The following FOXN3 variants were observed in gnomAD, a reference collection of about 807,000 sequenced individuals.
FOXN3 encodes the protein forkhead box N3, also known as forkhead box protein N3.
A neutral mutation model predicts 38.4 loss-of-function variants in FOXN3; 7 were observed. The observed-to-expected ratio is 0.18, with a 90% CI of 0.10 to 0.34. The LOEUF is 0.34. FOXN3 is among the 10% of genes least tolerant of loss of function. The pLI, the probability that FOXN3 is intolerant of heterozygous loss-of-function variation, is 1.00. For synonymous variants in FOXN3, 230 were observed against 242.2 expected (o/e 0.95, Z 0.47); for missense variants, 456 against 613.4 (o/e 0.74, Z 2.71).
chr14:89,348,684 G>C (rs183833404), intron 3 of FOXN3, among the ~76,000 whole-genome samples: 48 of 152,208 alleles, frequency 3.2e-4, no homozygotes, highest in Non-Finnish European at 5.7e-4. Context: ...AGTCAACTGG[G>C]GATAAAGGCT....
chr14:89,292,648 A>G lies in FOXN3; in HGVS notation c.681-11634T>C, dbSNP rs914498122. On this transcript the variant is annotated intron_variant, in intron 3 of 5. Coordinates refer to ENST00000557258, the MANE Select transcript of FOXN3 (RefSeq NM_005197.4). ...AGTGCTCCTCTCCTCTGGAGGGTAC[A>G]GCGTTCAAGGCCCCATTTTGCAAGC... Among the ~76,000 whole-genome samples, 93 of 152,192 alleles carry G rather than the reference A, an allele frequency of 6.1e-4. 1 individual carries two copies. The highest frequency in any genetic ancestry group is 2.1e-3 in the African/African-American group (89 of 41,452).
In FOXN3 at chr14:89,599,675, G is replaced by C. The variant is rs369220100; in HGVS notation, c.-15+19353C>G. ...GTGATAACCTGAGTTTCTGGGAAAA[G>C]CATCTTCCTCCAAAGAGAATTTTTA... On this transcript the variant is annotated intron_variant, in intron 1 of 6. Transcript: ENST00000345097. Among the ~76,000 whole-genome samples the C allele has an allele frequency of 1.1e-3, 160 of 152,192 alleles. 1 individual carries two copies. The South Asian group carries it at 0.033, about 31-fold the overall frequency.
intron 1 of FOXN3, among the ~76,000 whole-genome samples, chr14:89,563,529 C>T (rs901810347): frequency 2.0e-5 from 3 of 152,158 alleles, no homozygotes; most frequent in Non-Finnish European, 2.9e-5. Flanking sequence ...TAGACCTTCA[C>T]TCAGGAGGAG....
chr14:89,256,220 T>TA (rs1885615462), intron 4 of FOXN3, among the ~76,000 whole-genome samples: 2 of 152,168 alleles, frequency 1.3e-5, no homozygotes, highest in Non-Finnish European at 1.5e-5. Context: ...ATAACTGGCA[T>TA]AAAAAAGGCT....
At chr14:89,547,908 T>C (rs1488994815) in intron 1 of FOXN3, among the ~76,000 whole-genome samples, 1 of 152,178 alleles carries the variant, frequency 6.6e-6, no homozygotes, top group Non-Finnish European at 1.5e-5. Flanking sequence ...GAGATTTTGC[T>C]TCACAGAAAC....
intron 4 of FOXN3, among the ~76,000 whole-genome samples, chr14:89,238,104 A>C (rs10130223): frequency 0.06 from 9,161 of 152,242 alleles, 931 homozygotes; most frequent in African/African-American, 0.21. Context: ...AAAGGAGGAA[A>C]CTTTAGTCTT....
chr14:89,230,795 C>G (rs578227027), intron 4 of FOXN3: 2 of 442,654 alleles, frequency 4.5e-6, no homozygotes, highest in East Asian at 1.4e-4. Context: ...GAGGTCACAT[C>G]TGCTTTAAAT....
At chr14:89,393,305 C>A (rs980846852) in intron 2 of FOXN3, among the ~76,000 whole-genome samples, 2 of 152,180 alleles carry the variant, frequency 1.3e-5, no homozygotes, top group African/African-American at 4.8e-5. Context: ...TCCAGTGTGA[C>A]CTCATTTTAA....
At position 89,367,528 on chromosome 14, in the gene FOXN3, G is replaced by A. The variant is rs142343408; in HGVS notation, c.544-16720C>T. On this transcript the variant is annotated intron_variant, in intron 2 of 5. Transcript: ENST00000557258. ...CACCCGGGAACCAGAGGATATGCCC[G>A]AGGTTGCCAGGGAGAGGACAGGGGT... Among the ~76,000 whole-genome samples, 161 of 152,286 alleles carry A rather than the reference G, an allele frequency of 1.1e-3. 1 individual carries two copies. The highest frequency in any genetic ancestry group is 3.6e-3 in the African/African-American group (148 of 41,564).
chr14:89,271,633 T>C (rs1184267625), intron 4 of FOXN3, among the ~76,000 whole-genome samples: 2 of 152,210 alleles, frequency 1.3e-5, no homozygotes, highest in Non-Finnish European at 2.9e-5. Flanking sequence ...GTGTTAATCT[T>C]TGAATGACTA....
intron 4 of FOXN3, among the ~76,000 whole-genome samples, chr14:89,239,653 G>A (rs75433048): frequency 2.0e-5 from 3 of 152,172 alleles, no homozygotes; most frequent in South Asian, 2.1e-4. Flanking sequence ...CATGGTTGCC[G>A]CATTAACCAA....
intron 1 of FOXN3, among the ~76,000 whole-genome samples, chr14:89,444,810 C>A (rs1377234167): frequency 6.6e-6 from 1 of 152,076 alleles, no homozygotes; most frequent in Non-Finnish European, 1.5e-5. Context: ...GGAGGCAGTT[C>A]AGAGCAGAGA....
chr14:89,297,009 T>C (rs1341268120), intron 3 of FOXN3, among the ~76,000 whole-genome samples: 1 of 152,218 alleles, frequency 6.6e-6, no homozygotes. Context: ...TGTGCTAGTG[T>C]GGATCAATCT....
At chr14:89,414,481 T>A (rs1049022697) in intron 1 of FOXN3, among the ~76,000 whole-genome samples, 4 of 151,488 alleles carry the variant, frequency 2.6e-5, no homozygotes, top group African/African-American at 9.7e-5. Context: ...TATAGTACCT[T>A]CCCTCTTCCA....
intron 1 of FOXN3, among the ~76,000 whole-genome samples, chr14:89,451,678 C>T (rs1892615409): frequency 6.6e-6 from 1 of 152,168 alleles, no homozygotes; most frequent in South Asian, 2.1e-4. Flanking sequence ...ATCTTCATCA[C>T]CCCTGCCTGC....
intron 1 of FOXN3, among the ~76,000 whole-genome samples, chr14:89,471,427 C>G (rs951086421): frequency 6.6e-6 from 1 of 151,996 alleles, no homozygotes; most frequent in African/African-American, 2.4e-5. Context: ...CATAACAAGA[C>G]CTGTTATGTC....
At chr14:89,382,030 C>G (rs1278547012) in intron 2 of FOXN3, among the ~76,000 whole-genome samples, 1 of 152,062 alleles carries the variant, frequency 6.6e-6, no homozygotes, top group African/African-American at 2.4e-5. Flanking sequence ...TTGAGTCCAT[C>G]ATGGCCAGAC....
At chr14:89,268,998 T>C (rs559801808) in intron 4 of FOXN3, among the ~76,000 whole-genome samples, 1 of 152,220 alleles carries the variant, frequency 6.6e-6, no homozygotes, top group Admixed American at 6.5e-5. Flanking sequence ...AATACACAAA[T>C]GATCAGCACA....
chr14:89,225,401 G>A (rs111331114), intron 4 of FOXN3, among the ~76,000 whole-genome samples: 13 of 151,866 alleles, frequency 8.6e-5, no homozygotes, highest in East Asian at 1.9e-4. Flanking sequence ...TCAGGAGATC[G>A]AGACCATCCT....
Sources: gnomAD v4.1 joint callset for allele counts (sites outside exome capture counted in the v4.1 genomes callset) on GRCh38, gnomAD v4.1.1 for gene constraint, MANE v1.5 for transcripts, NCBI Gene and HGNC (gene_info 2026-07-23, HGNC 2026-07-21) for gene names.